DENND2A: variants seen among roughly 807,000 people sequenced by gnomAD.
DENND2A encodes the protein DENN domain containing 2A.
In DENND2A, 53 loss-of-function variants were observed where a neutral mutation model predicts 105.3. The observed-to-expected ratio is 0.50, with a 90% CI of 0.40 to 0.63. The LOEUF (loss-of-function observed/expected upper bound fraction) is 0.63. DENND2A is among the 30% of genes least tolerant of loss of function. The pLI, the probability that DENND2A is intolerant of heterozygous loss-of-function variation, is 0.00. For synonymous variants in DENND2A, 522 were observed against 508.4 expected, an observed-to-expected ratio of 1.03 and a Z score of -0.36; for missense variants, 1,138 against 1,279.6, an observed-to-expected ratio of 0.89 and a Z score of 1.69.
intron 12 of DENND2A, among the ~76,000 whole-genome samples, chr7:140,547,395 T>C (rs1376287610): frequency 6.6e-6 from 1 of 152,168 alleles, no homozygotes; most frequent in East Asian, 1.9e-4. Context: ...TGGGAGGGGA[T>C]AGCCATCATG....
At chr7:140,621,415 A>C (rs116508459) in intron 1 of DENND2A, among the ~76,000 whole-genome samples, 1 of 152,208 alleles carries the variant, frequency 6.6e-6, no homozygotes, top group African/African-American at 2.4e-5. Context: ...TAGTTGTTAT[A>C]CTGTGTTGTT....
chr7:140,551,103 C>A lies in DENND2A; in HGVS notation c.2038-4164G>T, dbSNP rs546308561. Reference sequence around the variant, plus strand: ...ATCACCTGAGGTCAAGAGTTCGAGACCAGCCTGGCCAACATGGTGAAATCC... The same window carrying A: ...ATCACCTGAGGTCAAGAGTTCGAGAACAGCCTGGCCAACATGGTGAAATCC... On this transcript the variant is annotated intron_variant, in intron 12 of 19. Coordinates refer to ENST00000496613, the MANE Select transcript of DENND2A (RefSeq NM_015689.5). 2.6e-5 allele frequency among the ~76,000 whole-genome samples: 4 copies of A among 151,288 alleles called. No homozygotes were observed. The South Asian group carries it at 8.4e-4, about 32-fold the overall frequency.
At position 140,585,718 on chromosome 7, in the gene DENND2A, C is replaced by A; in HGVS notation, c.1124-8G>T. The A allele has an allele frequency of 6.2e-7, 1 of 1,614,164 alleles. No individual in the cohort carries two copies. The highest frequency in any genetic ancestry group is 8.5e-7 in the Non-Finnish European group (1 of 1,180,016). ...TCTCCTTCATTGGCGGATCTGTGTT[C>A]AAAGGCAATGTGTCAGGAACCTGGG... On this transcript the variant is annotated splice_region_variant and splice_polypyrimidine_tract_variant and intron_variant, in intron 4 of 19. Coordinates refer to ENST00000496613, the MANE Select transcript of DENND2A (RefSeq NM_015689.5).
chr7:140,532,907 G>A (rs559286241), intron 14 of DENND2A, among the ~76,000 whole-genome samples: 1 of 149,996 alleles, frequency 6.7e-6, no homozygotes, highest in Non-Finnish European at 1.5e-5. Flanking sequence ...GCCTATGTGT[G>A]TTTTTTTTCC....
intron 1 of DENND2A, among the ~76,000 whole-genome samples, chr7:140,631,232 C>T (rs757423860): frequency 4.6e-5 from 7 of 152,116 alleles, no homozygotes; most frequent in South Asian, 2.1e-4. Flanking sequence ...AGCCAGATTT[C>T]GGGGGTGTGG....
chr7:140,566,415 T>G (rs1023850648), intron 9 of DENND2A, among the ~76,000 whole-genome samples: 1 of 152,068 alleles, frequency 6.6e-6, no homozygotes, highest in Non-Finnish European at 1.5e-5. Context: ...CCAAGAACCC[T>G]CTCTAGAGGT....
At chr7:140,571,968 T>C (rs1270476925) in intron 6 of DENND2A, among the ~76,000 whole-genome samples, 1 of 148,116 alleles carries the variant, frequency 6.8e-6, no homozygotes, top group Non-Finnish European at 1.5e-5. Context: ...CTAAGTGGAC[T>C]TCAGCAGAAC....
chr7:140,534,049 G>A (rs1459561157), intron 14 of DENND2A, among the ~76,000 whole-genome samples: 1 of 149,200 alleles, frequency 6.7e-6, no homozygotes, highest in Admixed American at 6.8e-5. Context: ...AAGTAGCTGG[G>A]ATCACAGGCA....
chr7:140,635,229 C>T (rs898572440), intron 1 of DENND2A, among the ~76,000 whole-genome samples: 2 of 152,038 alleles, frequency 1.3e-5, no homozygotes, highest in African/African-American at 4.8e-5. Flanking sequence ...CACCACTGCA[C>T]TCCAGCCTGG....
In DENND2A at chr7:140,571,949, G is replaced by A. The variant is rs144574647; in HGVS notation, c.1446+1859C>T. On this transcript the variant is annotated intron_variant, in intron 6 of 19. Transcript: ENST00000496613. Reference sequence around the variant, plus strand: ...ACTCAGTAGGCACCACTACTTAAAGGTGCATTCCCTAAGTGGACTTCAGCA... The same window carrying A: ...ACTCAGTAGGCACCACTACTTAAAGATGCATTCCCTAAGTGGACTTCAGCA... 1.6e-3 allele frequency among the ~76,000 whole-genome samples: 245 copies of A among 151,948 alleles called. 1 individual carries two copies. Among genetic ancestry groups the A allele is most frequent in the Admixed American group, 2.8e-3 (42 of 15,238 alleles).
At chr7:140,610,531 T>G (rs1260978893) in intron 1 of DENND2A, among the ~76,000 whole-genome samples, 2 of 151,928 alleles carry the variant, frequency 1.3e-5, no homozygotes, top group Non-Finnish European at 2.9e-5. Context: ...CTAGATTTTA[T>G]ATATATATAT....
intron 12 of DENND2A, among the ~76,000 whole-genome samples, chr7:140,553,160 G>C (rs1294259057): frequency 6.6e-6 from 1 of 152,158 alleles, no homozygotes; most frequent in Non-Finnish European, 1.5e-5. Flanking sequence ...AGTATTTATT[G>C]ATCATTCGTG....
intron 12 of DENND2A, among the ~76,000 whole-genome samples, chr7:140,549,382 C>G (rs1162491954): frequency 1.3e-5 from 2 of 152,056 alleles, no homozygotes; most frequent in African/African-American, 4.8e-5. Flanking sequence ...CTCAGCCTCC[C>G]AAGTAGCTGG....
At chr7:140,518,793 A>T in intron 19 of DENND2A, 55 bp from the exon 20 acceptor site, 1 of 1,580,276 alleles carries the variant, frequency 6.3e-7, no homozygotes, top group Non-Finnish European at 8.7e-7. Flanking sequence ...AGGGTGAGAT[A>T]AATCTTGCCC....
intron 5 of DENND2A, among the ~76,000 whole-genome samples, chr7:140,580,051 T>C (rs1300687735): frequency 2.6e-5 from 4 of 152,084 alleles, no homozygotes; most frequent in African/African-American, 4.8e-5. Flanking sequence ...GAGGTTGCAG[T>C]GAGCTGAGAT....
intron 17 of DENND2A, among the ~76,000 whole-genome samples, chr7:140,522,474 CA>C (rs1795895971): frequency 6.6e-6 from 1 of 151,822 alleles, no homozygotes. Context: ...CCACCACGCC[CA>C]GCTAATTTTT....
intron 14 of DENND2A, among the ~76,000 whole-genome samples, chr7:140,537,302 G>A (rs1233501027): frequency 1.3e-5 from 2 of 152,168 alleles, no homozygotes; most frequent in African/African-American, 4.8e-5. Context: ...ACTTATTTGT[G>A]TAGTTACCTA....
At chr7:140,565,366 C>T (rs1563144929) in intron 9 of DENND2A, among the ~76,000 whole-genome samples, 1 of 151,898 alleles carries the variant, frequency 6.6e-6, no homozygotes, top group Non-Finnish European at 1.5e-5. Context: ...TTATGTCCTC[C>T]TGGGAGAGTT....
intron 5 of DENND2A, among the ~76,000 whole-genome samples, 156 bp from the exon 6 acceptor site, chr7:140,574,164 A>G (rs1482290110): frequency 6.6e-6 from 1 of 152,208 alleles, no homozygotes; most frequent in African/African-American, 2.4e-5. Flanking sequence ...TAAGTGTTCA[A>G]TGAATACATA....
Sources: allele counts gnomAD v4.1 joint callset (sites outside exome capture counted in the v4.1 genomes callset), GRCh38; gene constraint gnomAD v4.1.1; transcripts MANE v1.5; gene names NCBI Gene and HGNC (gene_info 2026-07-23, HGNC 2026-07-21).